Variants in SIM1 observed in about 807,000 individuals in gnomAD.
The protein encoded by SIM1 is single-minded homolog 1.
Under a neutral mutation model 78.2 loss-of-function variants are expected in SIM1, and 18 were observed. The ratio of observed to expected loss-of-function variants is 0.23; its 90% CI spans 0.16 to 0.34. The LOEUF (loss-of-function observed/expected upper bound fraction) is 0.34. Ranked by LOEUF, SIM1 falls within the 10% of genes least tolerant of loss-of-function variation. The pLI is 1.00. For synonymous variants in SIM1, 417 were observed against 385.2 expected (o/e 1.08, Z -0.97); for missense variants, 939 against 975.1 (o/e 0.96, Z 0.49).
In SIM1 at chr6:100,440,290, G is replaced by T. The variant is rs560694117; in HGVS notation, c.998+6978C>A. 2.0e-4 allele frequency among the ~76,000 whole-genome samples: 30 copies of T among 152,284 alleles called. No homozygotes were observed. The East Asian group carries it at 3.5e-3, about 18-fold the overall frequency. On this transcript the variant is annotated intron_variant, in intron 9 of 11. Coordinates refer to ENST00000369208, the MANE Select transcript of SIM1 (RefSeq NM_005068.3). The stretch of plus-strand genomic sequence containing the variant: ...AGAGTGATCTGCTCAAGGCCTCACA[G>T]CTATTATGTAGCATAGTCTTCATTC...
At chr6:100,457,407 C>G (rs1772694117) in intron 2 of SIM1, among the ~76,000 whole-genome samples, 1 of 152,124 alleles carries the variant, frequency 6.6e-6, no homozygotes, top group African/African-American at 2.4e-5. Flanking sequence ...CCTCCTAGGC[C>G]GAGGCCACTG....
intron 9 of SIM1, among the ~76,000 whole-genome samples, chr6:100,430,315 T>C (rs1042061516): frequency 2.6e-5 from 4 of 152,156 alleles, no homozygotes; most frequent in Non-Finnish European, 5.9e-5. Context: ...ATTCTTTCTG[T>C]TTCTTATTTT....
intron 9 of SIM1, among the ~76,000 whole-genome samples, chr6:100,440,999 G>A (rs988759705): frequency 2.6e-5 from 4 of 152,140 alleles, no homozygotes; most frequent in African/African-American, 9.7e-5. Flanking sequence ...ACATATATGG[G>A]TGCCTGCCTT....
At chr6:100,463,051 C>G (rs2114561926) in intron 2 of SIM1, 1 of 422,608 alleles carries the variant, frequency 2.4e-6, no homozygotes, top group East Asian at 3.4e-5. Flanking sequence ...GGGCTGCTTC[C>G]CAACCAAACA....
intron 9 of SIM1, among the ~76,000 whole-genome samples, chr6:100,441,336 C>A (rs1211685989): frequency 6.6e-6 from 1 of 151,602 alleles, no homozygotes; most frequent in East Asian, 1.9e-4. Flanking sequence ...CTGAATAGAA[C>A]CCCCAGGGGG....
intron 4 of SIM1, 34 bp from the exon 5 acceptor site, chr6:100,449,733 G>T (rs374128328): frequency 3.2e-6 from 5 of 1,559,164 alleles, no homozygotes; most frequent in Non-Finnish European, 3.5e-6. Flanking sequence ...TCGCCGTGGC[G>T]GTGGAATGCC....
intron 10 of SIM1, among the ~76,000 whole-genome samples, chr6:100,407,915 T>G (rs1771091439): frequency 6.6e-6 from 1 of 152,162 alleles, no homozygotes. Flanking sequence ...TTGCAAATAT[T>G]TTCTCTCACT....
Position 100,448,185 on chromosome 6 carries a change from C to T in SIM1, c.811G>A (p.Gly271Ser). 6.2e-7 allele frequency: 1 copy of T among 1,613,900 alleles called. No individual in the cohort carries two copies. The change falls in exon 8 of 12, where the codon GGC becomes AGC. Residue 271 changes from glycine (G) to serine (S), a missense_variant. Coordinates refer to ENST00000369208, the MANE Select transcript of SIM1 (RefSeq NM_005068.3). ...IEKTLYHHVH[G>S]CDTFHLRCAH... ...CAGCGCAGGTGGAAGGTGTCGCAGC[C>T]GTGCACATGGTGGTACAGAGTCTTC...
intron 3 of SIM1, among the ~76,000 whole-genome samples, chr6:100,450,696 T>TCTCTCTCTCACACA (rs1421452803): frequency 0.021 from 1,932 of 91,836 alleles, 35 homozygotes; most frequent in South Asian, 0.037. Context: ...TCTCTCTCTC[T>TCTCTCTCTCACACA]CACACACACA....
At chr6:100,462,653 C>T (rs956162412) in intron 2 of SIM1, 4 of 152,148 alleles carry the variant, frequency 2.6e-5, no homozygotes, top group Admixed American at 6.5e-5. Context: ...TAGGACTAGC[C>T]TATTATCTTA....
chr6:100,402,644 C>A (rs1770950009), intron 10 of SIM1, among the ~76,000 whole-genome samples: 2 of 129,120 alleles, frequency 1.5e-5, no homozygotes, highest in Admixed American at 1.9e-4. Context: ...GTGGCACGAT[C>A]TCGGCTCACG....
chr6:100,400,887 C>A (rs1375025667), intron 10 of SIM1, among the ~76,000 whole-genome samples: 1 of 151,844 alleles, frequency 6.6e-6, no homozygotes, highest in African/African-American at 2.4e-5. Context: ...CACAGATGAT[C>A]ATGGATGATA....
intron 10 of SIM1, among the ~76,000 whole-genome samples, chr6:100,407,541 A>G (rs1771081098): frequency 6.6e-6 from 1 of 152,064 alleles, no homozygotes; most frequent in South Asian, 2.1e-4. Context: ...ATTTTACATA[A>G]TGGCTGTACC....
intron 10 of SIM1, among the ~76,000 whole-genome samples, chr6:100,397,406 G>T (rs1247205257): frequency 2.0e-5 from 3 of 152,082 alleles, no homozygotes; most frequent in African/African-American, 7.2e-5. Context: ...ACTGATTTTT[G>T]ACAATTCAGT....
chr6:100,448,736 G>T, intron 6 of SIM1, 58 bp from the exon 7 acceptor site: 1 of 1,490,350 alleles, frequency 6.7e-7, no homozygotes, highest in Non-Finnish European at 9.2e-7. Context: ...CCCCCAAAAG[G>T]TGGAGAAGGG....
At chr6:100,439,053 C>T (rs1772136979) in intron 9 of SIM1, among the ~76,000 whole-genome samples, 1 of 151,968 alleles carries the variant, frequency 6.6e-6, no homozygotes, top group Non-Finnish European at 1.5e-5. Flanking sequence ...TAAATCACCA[C>T]TAAGGAATTT....
chr6:100,389,740 T>A lies in SIM1; in HGVS notation c.*621A>T, dbSNP rs1770589074. On this transcript the variant is annotated 3_prime_UTR_variant, in exon 12 of 12. Coordinates refer to ENST00000369208, the MANE Select transcript of SIM1 (RefSeq NM_005068.3). The stretch of plus-strand genomic sequence containing the variant: ...CCTCTTCCTGATTGTTTATAATGGA[T>A]ACCAGGTGAAAACTCATTTTTGCAC... The A allele has an allele frequency of 5.0e-6, 2 of 399,098 alleles. No homozygotes were observed. Among genetic ancestry groups the A allele is most frequent in the Non-Finnish European group, 8.8e-6 (2 of 226,116 alleles). 24.7% of individuals were successfully genotyped at this position (399,098 alleles called of 1,614,324 possible). A position where few individuals can be genotyped will look rare whatever the true frequency, so the allele number is the denominator to read the frequency against.
At chr6:100,445,828 T>G (rs1309874869) in intron 9 of SIM1, among the ~76,000 whole-genome samples, 1 of 152,224 alleles carries the variant, frequency 6.6e-6, no homozygotes, top group Non-Finnish European at 1.5e-5. Flanking sequence ...TTTTTCACCC[T>G]TTAATACTAC....
intron 9 of SIM1, among the ~76,000 whole-genome samples, chr6:100,426,659 G>A (rs1376174605): frequency 1.3e-5 from 2 of 152,216 alleles, no homozygotes; most frequent in African/African-American, 2.4e-5. Context: ...ACAATTTCAA[G>A]TGAGTTTGAA....
Sources: allele counts gnomAD v4.1 joint callset (sites outside exome capture counted in the v4.1 genomes callset), GRCh38; gene constraint gnomAD v4.1.1; transcripts MANE v1.5; gene names NCBI Gene and HGNC (gene_info 2026-07-23, HGNC 2026-07-21).